Variants in JAKMIP1 observed in about 807,000 individuals in gnomAD.
JAKMIP1 encodes the protein janus kinase and microtubule interacting protein 1, also known as janus kinase and microtubule-interacting protein 1.
Under a neutral mutation model 113.0 loss-of-function variants are expected in JAKMIP1, and 33 were observed. The observed-to-expected ratio is 0.29, with a 90% CI of 0.22 to 0.39. JAKMIP1 has a LOEUF of 0.39. Among genes scored for constraint, JAKMIP1 ranks in the 10% least tolerant of loss-of-function variants. The pLI, the probability that JAKMIP1 is intolerant of heterozygous loss-of-function variation, is 1.00. For missense variants in JAKMIP1, 813 were observed against 1,080.5 expected, an observed-to-expected ratio of 0.75 and a Z score of 3.47; for synonymous variants, 480 against 459.9, an observed-to-expected ratio of 1.04 and a Z score of -0.56.
intron 18 of JAKMIP1, among the ~76,000 whole-genome samples, chr4:6,039,719 C>G (rs929718740): frequency 2.6e-5 from 4 of 152,144 alleles, no homozygotes; most frequent in African/African-American, 9.7e-5. Flanking sequence ...GGGATTCAAG[C>G]CTCACAGCCT....
Position 6,050,513 on chromosome 4 carries a change from GCTGAGCCGGGCA to G in JAKMIP1, c.1908+53_1908+64del. On this transcript the variant is annotated intron_variant, in intron 14 of 20. Transcript: ENST00000409021. This position sits in a 1 kb window ranked among gnomAD's most constrained non-coding sequence, Gnocchi z 7.4. ...TCTATCCCAGCACTCCCCCTTTGCA[GCTGAGCCGGGCA>G]CTGAGCGAGCCCTTGGCTGGCATTC... The G allele has an allele frequency of 8.9e-7, 1 of 1,122,950 alleles. No homozygotes were observed. The highest frequency in any genetic ancestry group is 1.3e-6 in the Non-Finnish European group (1 of 768,052). 69.6% of individuals were successfully genotyped at this position (1,122,950 alleles called of 1,614,324 possible).
At chr4:6,053,167 C>CA (rs1386269689) in intron 13 of JAKMIP1, among the ~76,000 whole-genome samples, 4 of 151,402 alleles carry the variant, frequency 2.6e-5, no homozygotes, top group East Asian at 1.9e-4. Context: ...TCAACAGAAA[C>CA]AAAAAAAAGG....
intron 8 of JAKMIP1, chr4:6,070,219 C>T: frequency 2.5e-6 from 1 of 398,166 alleles, no homozygotes; most frequent in Admixed American, 4.4e-5. Context: ...GCAAAAGCCA[C>T]CTCGTCGGCA....
rs538565491 is a variant in JAKMIP1, at chr4:6,048,437, G to T, written c.2028+420C>A. ...AAATATATAACAGCTAAGAGGGGCT[G>T]AAGTAACTAACAGTATAACTGTGTG... On this transcript the variant is annotated intron_variant, in intron 16 of 20. Transcript: ENST00000409021. 2.0e-5 allele frequency among the ~76,000 whole-genome samples: 3 copies of T among 152,334 alleles called. No individual in the cohort carries two copies. In the South Asian group the frequency reaches 6.2e-4, roughly 32 times the overall value.
chr4:6,085,314 A>ATGAG (rs59774538), intron 4 of JAKMIP1, 106 bp downstream of exon 4: 285,582 of 883,742 alleles, frequency 0.32, 49,592 homozygotes, highest in South Asian at 0.43. Flanking sequence ...GAATGAATGA[A>ATGAG]TGAGTGAATA....
intron 18 of JAKMIP1, among the ~76,000 whole-genome samples, chr4:6,037,072 G>A (rs867534463): frequency 1.8e-3 from 261 of 142,890 alleles, no homozygotes; most frequent in African/African-American, 6.7e-3. Flanking sequence ...CTGAGTCAGA[G>A]GTTAACCCAG....
At chr4:6,073,286 A>G (rs978948599) in intron 8 of JAKMIP1, among the ~76,000 whole-genome samples, 15 of 152,126 alleles carry the variant, frequency 9.9e-5, no homozygotes, top group African/African-American at 3.4e-4. Flanking sequence ...AGGTCCCATC[A>G]GAATGGATGC....
rs147098956 is a variant in JAKMIP1 at position 6,105,801 on chromosome 4, G to A, written c.296C>T (p.Ala99Val). The A allele has an allele frequency of 1.7e-5, 27 of 1,608,828 alleles. No individual in the cohort carries two copies. The highest frequency in any genetic ancestry group is 2.7e-5 in the African/African-American group (2 of 74,924). The change falls in exon 3 of 21, where the codon GCG becomes GTG. Residue 99 changes from alanine (A) to valine (V), a missense_variant. By Grantham distance (64) the Ala-to-Val change is moderately conservative. This residue lies in a region of JAKMIP1 where 540 missense variants were observed against 653.9 expected (regional missense o/e 0.83). Coordinates refer to ENST00000409021, the MANE Select transcript of JAKMIP1 (RefSeq NM_001099433.2). ...CTCCTTGATCTTGGCGGTGCGCGCC[G>A]CCTCCTGCTCGTGCTGCCGGATGAG... Reference protein sequence around the residue: ...EGLIRQHEQEAARTAKIKEGE... With the variant: ...EGLIRQHEQEVARTAKIKEGE...
At chr4:6,060,912 G>T (rs6821383) in intron 10 of JAKMIP1, among the ~76,000 whole-genome samples, 34,999 of 152,218 alleles carry the variant, frequency 0.23, 6,645 homozygotes, top group African/African-American at 0.52. Flanking sequence ...TCAACACGCT[G>T]GCACAATTGC....
intron 3 of JAKMIP1, among the ~76,000 whole-genome samples, chr4:6,100,272 T>A (rs1162017580): frequency 6.6e-6 from 1 of 152,228 alleles, no homozygotes; most frequent in Non-Finnish European, 1.5e-5. Context: ...TCAGCCACTA[T>A]AGATTTGGAT....
chr4:6,172,239 T>C (rs938608525), intron 1 of JAKMIP1, among the ~76,000 whole-genome samples: 13 of 152,360 alleles, frequency 8.5e-5, no homozygotes, highest in African/African-American at 2.6e-4. Context: ...GCCCGAGCAC[T>C]GGCCGAGAAG....
Position 6,064,693 on chromosome 4 carries a change from T to C in JAKMIP1, c.1431+187A>G, listed in dbSNP as rs1717800993. 6.6e-6 allele frequency among the ~76,000 whole-genome samples: 1 copy of C among 152,120 alleles called. No individual in the cohort carries two copies. The highest frequency in any genetic ancestry group is 1.5e-5 in the Non-Finnish European group (1 of 68,022). On this transcript the variant is annotated intron_variant, in intron 9 of 20. Coordinates refer to ENST00000409021, the MANE Select transcript of JAKMIP1 (RefSeq NM_001099433.2). This position sits in a 1 kb window ranked among gnomAD's most constrained non-coding sequence, Gnocchi z 4.3. ...CGTGCTGCCCTCCCATCGCCATTCA[T>C]GGAGCCCACAGCTGTGGGGCCCGCC...
chr4:6,133,931 T>C (rs1718876031), intron 1 of JAKMIP1, among the ~76,000 whole-genome samples: 1 of 152,226 alleles, frequency 6.6e-6, no homozygotes, highest in Non-Finnish European at 1.5e-5. Context: ...CGGAGGGGGC[T>C]GGATCCCTGA....
chr4:6,060,445 CTT>C lies in JAKMIP1; in HGVS notation c.1621_1622del (p.Lys541ValfsTer4). On this transcript the variant is annotated frameshift_variant, in exon 11 of 21. Transcript: ENST00000409021. LOFTEE classifies it high-confidence loss of function. ...TCACCTGTCCCTTCTCAACCAGTAACTTCTCCAAATCTTCGATTTTGGCCTGA... is the reference window on the plus strand; with the variant it reads ...TCACCTGTCCCTTCTCAACCAGTAACCTCCAAATCTTCGATTTTGGCCTGA... ...RCQAKIEDLE[K>X]LLVEKGQDSK... 2 of 1,613,912 alleles carry C rather than the reference CTT, an allele frequency of 1.2e-6. No homozygotes were observed. Among genetic ancestry groups the C allele is most frequent in the Non-Finnish European group, 1.7e-6 (2 of 1,179,760 alleles).
In JAKMIP1 at chr4:6,136,102, C is replaced by T. The variant is rs563470150; in HGVS notation, c.-147-23105G>A. On this transcript the variant is annotated intron_variant, in intron 1 of 20. Transcript: ENST00000409021. This position sits in a 1 kb window ranked among gnomAD's most constrained non-coding sequence, Gnocchi z 5.9. ...CTCTACTAAAGATACAAAAATTGGC[C>T]GGGCATGGTGGTGGGTTCCTGTATT... 7.0e-4 allele frequency among the ~76,000 whole-genome samples: 106 copies of T among 152,062 alleles called. No homozygotes were observed. The highest frequency in any genetic ancestry group is 1.4e-3 in the Non-Finnish European group (93 of 68,000).
intron 3 of JAKMIP1, among the ~76,000 whole-genome samples, chr4:6,091,532 T>C (rs1722064527): frequency 6.6e-6 from 1 of 152,200 alleles, no homozygotes; most frequent in African/African-American, 2.4e-5. Context: ...GGTGAGGTGC[T>C]AGAGGCTTGG....
At chr4:6,144,938 T>C (rs1418079074) in intron 1 of JAKMIP1, among the ~76,000 whole-genome samples, 5 of 152,172 alleles carry the variant, frequency 3.3e-5, no homozygotes, top group African/African-American at 1.2e-4. Flanking sequence ...TAAGTAAAAT[T>C]ATCTATTTCC....
Position 6,069,132 on chromosome 4 carries a change from C to T in JAKMIP1, c.1303-4124G>A, listed in dbSNP as rs1175979453. On this transcript the variant is annotated intron_variant, in intron 8 of 20. Transcript: ENST00000409021. The surrounding 1 kb of genome is among the most constrained non-coding windows in gnomAD (Gnocchi z 4.5). Reference sequence around the variant, plus strand: ...TTTTGCACTGCATTTTCAAAAAATGCAGGAAATAATTCACCACCTGCTTCT... The same window carrying T: ...TTTTGCACTGCATTTTCAAAAAATGTAGGAAATAATTCACCACCTGCTTCT... Among the ~76,000 whole-genome samples the T allele has an allele frequency of 6.6e-6, 1 of 152,104 alleles. No homozygotes were observed. The highest frequency in any genetic ancestry group is 2.4e-5 in the African/African-American group (1 of 41,406).
Position 6,094,573 on chromosome 4 carries a change from T to C in JAKMIP1, c.625-8944A>G, listed in dbSNP as rs1413051955. Among the ~76,000 whole-genome samples, 1 of 152,258 alleles carries C rather than the reference T, an allele frequency of 6.6e-6. No homozygotes were observed. Among genetic ancestry groups the C allele is most frequent in the African/African-American group, 2.4e-5 (1 of 41,480 alleles). ...GCCCCTGTTCTCCTAGTTGAGATCC[T>C]GAGGCCCAAGGCCTTAAGCTGTGCC... is the stretch of plus-strand genomic sequence containing the variant. On this transcript the variant is annotated intron_variant, in intron 3 of 20. Transcript: ENST00000409021. This position sits in a 1 kb window ranked among gnomAD's most constrained non-coding sequence, Gnocchi z 4.2.
Sources: allele counts gnomAD v4.1 joint callset (sites outside exome capture counted in the v4.1 genomes callset), GRCh38; gene constraint gnomAD v4.1.1; regional missense constraint gnomAD v4.1.1; non-coding constraint Gnocchi (gnomAD v3.1); transcripts MANE v1.5; gene names NCBI Gene and HGNC (gene_info 2026-07-23, HGNC 2026-07-21).